Variants in ADAMTS20 observed in about 807,000 individuals in gnomAD.
ADAMTS20 encodes the protein A disintegrin and metalloproteinase with thrombospondin motifs 20.
ADAMTS20 carries 225 observed loss-of-function variants against 260.1 expected under a neutral mutation model. That is an observed-to-expected ratio of 0.87 (90% CI 0.78 to 0.97). The LOEUF is 0.97. ADAMTS20 is among the 50% of genes least tolerant of loss of function. ADAMTS20 has a pLI of 0.00. For synonymous variants in ADAMTS20, 802 were observed against 769.5 expected, an observed-to-expected ratio of 1.04 and a Z score of -0.70; for missense variants, 2,400 against 2,337.7, an observed-to-expected ratio of 1.03 and a Z score of -0.55.
intron 19 of ADAMTS20, 28 bp downstream of exon 19, chr12:43,434,217 G>A (rs2137313297): frequency 6.5e-7 from 1 of 1,545,000 alleles, no homozygotes; most frequent in Non-Finnish European, 8.8e-7. Context: ...TATTAATCTG[G>A]TTATATTACA....
At chr12:43,440,819 G>T (rs1040103405) in intron 16 of ADAMTS20, among the ~76,000 whole-genome samples, 1 of 151,996 alleles carries the variant, frequency 6.6e-6, no homozygotes, top group Non-Finnish European at 1.5e-5. Flanking sequence ...AAAACTCTAG[G>T]GTCGGGAGGC....
intron 7 of ADAMTS20, among the ~76,000 whole-genome samples, chr12:43,489,520 G>A (rs1942571414): frequency 6.6e-6 from 1 of 151,704 alleles, no homozygotes; most frequent in Admixed American, 6.6e-5. Context: ...TTAGCAATCA[G>A]TGAAAAGAAA....
intron 2 of ADAMTS20, among the ~76,000 whole-genome samples, chr12:43,538,913 A>G (rs936487981): frequency 6.8e-6 from 1 of 147,240 alleles, no homozygotes; most frequent in Non-Finnish European, 1.5e-5. Flanking sequence ...CTCATCCTAT[A>G]TCCTTGGGTA....
intron 4 of ADAMTS20, among the ~76,000 whole-genome samples, chr12:43,493,575 T>C (rs1214892621): frequency 6.6e-6 from 1 of 152,150 alleles, no homozygotes; most frequent in Non-Finnish European, 1.5e-5. Context: ...GGCCCCACCC[T>C]GGATTAATGA....
intron 37 of ADAMTS20, among the ~76,000 whole-genome samples, chr12:43,363,137 C>T (rs958983906): frequency 6.6e-6 from 1 of 152,072 alleles, no homozygotes; most frequent in Non-Finnish European, 1.5e-5. Flanking sequence ...ATGACTCGCC[C>T]TCTTTTCCTC....
intron 7 of ADAMTS20, among the ~76,000 whole-genome samples, chr12:43,483,257 C>A (rs11609633): frequency 0.024 from 3,658 of 152,216 alleles, 69 homozygotes; most frequent in East Asian, 0.079. Context: ...TTCACGGTAG[C>A]CTGGCTCTCA....
chr12:43,533,219 G>C (rs1943250317), intron 2 of ADAMTS20, among the ~76,000 whole-genome samples: 1 of 109,554 alleles, frequency 9.1e-6, no homozygotes, highest in Admixed American at 9.7e-5. Flanking sequence ...AGCACCTGTT[G>C]TTTCCTGACT....
chr12:43,549,007 C>A (rs1592120356), intron 2 of ADAMTS20, among the ~76,000 whole-genome samples: 1 of 151,952 alleles, frequency 6.6e-6, no homozygotes, highest in East Asian at 1.9e-4. Flanking sequence ...AGTAAAAGAA[C>A]ATTCAGAACA....
At chr12:43,501,506 T>TCACACACACACACACACACAC (rs1491581398) in intron 4 of ADAMTS20, among the ~76,000 whole-genome samples, 7 of 71,312 alleles carry the variant, frequency 9.8e-5, no homozygotes, top group Non-Finnish European at 5.8e-5. Flanking sequence ...CACACACATG[T>TCACACACACACACACACACAC]AAGGATGAAG....
chr12:43,446,612 A>G lies in ADAMTS20; in HGVS notation c.2180T>C (p.Phe727Ser). Residue 727 changes from phenylalanine (F) to serine (S), a missense_variant, in exon 15 of 39, where the codon TTC becomes TCC. Coordinates refer to ENST00000389420, the MANE Select transcript of ADAMTS20 (RefSeq NM_025003.5). ...NSSCKTITGV[F>S]NSSHYGYNVV... The stretch of plus-strand genomic sequence containing the variant: ...CAACTTACCATAATGAGAACTGTTG[A>G]AGACACCTGTTATTGTCTTGCATGA... The G allele has an allele frequency of 6.2e-7, 1 of 1,612,924 alleles. No homozygotes were observed. The highest frequency in any genetic ancestry group is 8.5e-7 in the Non-Finnish European group (1 of 1,179,190).
chr12:43,499,943 A>G lies in ADAMTS20; in HGVS notation c.867+2209T>C, dbSNP rs796799868. On this transcript the variant is annotated intron_variant, in intron 4 of 38. Transcript: ENST00000389420. ...TAGTCAGTATGCCCAAAGCACTGAC[A>G]ATAGTTATCTGTCATTTACCATGTT... Among the ~76,000 whole-genome samples the G allele has an allele frequency of 2.0e-4, 31 of 152,276 alleles. 1 individual carries two copies. The highest frequency in any genetic ancestry group is 7.2e-4 in the African/African-American group (30 of 41,572).
At chr12:43,411,519 C>T (rs1008659837) in intron 28 of ADAMTS20, among the ~76,000 whole-genome samples, 2 of 152,098 alleles carry the variant, frequency 1.3e-5, no homozygotes, top group African/African-American at 4.8e-5. Context: ...AGGCGCCCAC[C>T]ACCACGCCCA....
intron 29 of ADAMTS20, among the ~76,000 whole-genome samples, chr12:43,389,155 CATCA>C (rs142093525): frequency 8.7e-4 from 133 of 152,316 alleles, no homozygotes; most frequent in African/African-American, 3.0e-3. Flanking sequence ...CTCATTCTAG[CATCA>C]ATTCAAAAGT....
chr12:43,501,567 G>A (rs1341576597), intron 4 of ADAMTS20, among the ~76,000 whole-genome samples: 1 of 151,296 alleles, frequency 6.6e-6, no homozygotes, highest in Non-Finnish European at 1.5e-5. Flanking sequence ...CTAGAATTCA[G>A]TTCTGTGGGT....
chr12:43,518,552 C>A (rs1199849836), intron 3 of ADAMTS20, among the ~76,000 whole-genome samples: 4 of 152,038 alleles, frequency 2.6e-5, no homozygotes, highest in East Asian at 3.9e-4. Context: ...TCTATCTAGT[C>A]TATTCCCCAG....
At chr12:43,406,032 C>T (rs1337383158) in intron 28 of ADAMTS20, among the ~76,000 whole-genome samples, 1 of 152,194 alleles carries the variant, frequency 6.6e-6, no homozygotes, top group African/African-American at 2.4e-5. Flanking sequence ...AGGAAACACA[C>T]ATATTATACA....
At chr12:43,427,163 AC>A (rs1180255977) in intron 27 of ADAMTS20, 144 bp downstream of exon 27, 1 of 852,930 alleles carries the variant, frequency 1.2e-6, no homozygotes, top group East Asian at 3.0e-5. Flanking sequence ...ACAGAGTGAG[AC>A]CCTGTCTCCA....
chr12:43,526,213 C>T (rs771749064), intron 3 of ADAMTS20, among the ~76,000 whole-genome samples: 2 of 152,072 alleles, frequency 1.3e-5, no homozygotes, highest in Admixed American at 6.5e-5. Flanking sequence ...TCCAGCACTA[C>T]GGGAGGCCGA....
intron 3 of ADAMTS20, among the ~76,000 whole-genome samples, chr12:43,522,172 T>G (rs1219286254): frequency 6.6e-6 from 1 of 151,352 alleles, no homozygotes; most frequent in Non-Finnish European, 1.5e-5. Flanking sequence ...TGGCAGAAGG[T>G]GAAGTGAGGA....
Sources: gnomAD v4.1 joint callset for allele counts (sites outside exome capture counted in the v4.1 genomes callset) on GRCh38, gnomAD v4.1.1 for gene constraint, MANE v1.5 for transcripts, NCBI Gene and HGNC (gene_info 2026-07-23, HGNC 2026-07-21) for gene names.